DNAH3: variants seen among roughly 807,000 people sequenced by gnomAD.
DNAH3 encodes dynein axonemal heavy chain 3.
A neutral mutation model predicts 432.5 loss-of-function variants in DNAH3; 332 were observed. The ratio of observed to expected loss-of-function variants is 0.77; its 90% CI spans 0.70 to 0.84. The LOEUF is 0.84. Among genes scored for constraint, DNAH3 ranks in the 40% least tolerant of loss-of-function variants. DNAH3 has a pLI of 0.00. For missense variants in DNAH3, 4,861 were observed against 5,114.0 expected (o/e 0.95, Z 1.51); for synonymous variants, 1,956 against 1,900.2 (o/e 1.03, Z -0.76).
rs561843363 is a variant in DNAH3 at position 21,101,923 on chromosome 16, G to A, written c.2366+2548C>T. Reference sequence around the variant, plus strand: ...CTTCCAGGTGCAGAGCCGGAGGGTGGGGTAGGAACAGCAAATGGAGAATAA... The same window carrying A: ...CTTCCAGGTGCAGAGCCGGAGGGTGAGGTAGGAACAGCAAATGGAGAATAA... On this transcript the variant is annotated intron_variant, in intron 16 of 61. Transcript: ENST00000261383. Among the ~76,000 whole-genome samples the A allele has an allele frequency of 1.3e-3, 204 of 152,336 alleles. 1 individual carries two copies. Among genetic ancestry groups the A allele is most frequent in the Non-Finnish European group, 2.1e-3 (145 of 68,044 alleles).
intron 17 of DNAH3, among the ~76,000 whole-genome samples, 200 bp downstream of exon 17, chr16:21,098,416 G>A (rs560494940): frequency 2.1e-4 from 30 of 140,488 alleles, no homozygotes; most frequent in East Asian, 8.2e-4. Flanking sequence ...TCCAGCCTGC[G>A]CAACAGAGTG....
rs113956314 is a variant in DNAH3 at position 20,992,949 on chromosome 16, T to C, written c.6601+4334A>G. Among the ~76,000 whole-genome samples the C allele has an allele frequency of 6.0e-3, 920 of 152,242 alleles. 9 individuals carry two copies. The highest frequency in any genetic ancestry group is 0.021 in the African/African-American group (869 of 41,548). Reference sequence around the variant, plus strand: ...GGTGTGGTCTCAGCTCACTGCAACCTTTACCACCCAGGTTCAAGCAATTCT... The same window carrying C: ...GGTGTGGTCTCAGCTCACTGCAACCCTTACCACCCAGGTTCAAGCAATTCT... On this transcript the variant is annotated intron_variant, in intron 44 of 61. Coordinates refer to ENST00000261383, the Ensembl canonical transcript of DNAH3.
intron 53 of DNAH3, among the ~76,000 whole-genome samples, chr16:20,961,176 A>G (rs1257330818): frequency 1.3e-5 from 2 of 152,236 alleles, no homozygotes; most frequent in Non-Finnish European, 2.9e-5. Flanking sequence ...TACGAACTGC[A>G]TCGTGTCCCT....
intron 41 of DNAH3, among the ~76,000 whole-genome samples, chr16:21,004,001 T>C (rs1475866349): frequency 6.6e-6 from 1 of 152,172 alleles, no homozygotes; most frequent in East Asian, 1.9e-4. Context: ...ATGTTAAAGT[T>C]AATTTTACTT....
chr16:20,966,680 T>C (rs2085078493), intron 52 of DNAH3, among the ~76,000 whole-genome samples: 1 of 152,222 alleles, frequency 6.6e-6, no homozygotes, highest in East Asian at 1.9e-4. Context: ...CATTATCTTA[T>C]TCATGGATGG....
intron 58 of DNAH3, 111 bp downstream of exon 58, chr16:20,944,385 G>T: frequency 7.8e-7 from 1 of 1,288,380 alleles, no homozygotes; most frequent in Non-Finnish European, 1.1e-6. Context: ...TGGCCAGGAG[G>T]CTGCCAGGCC....
At chr16:20,987,622 G>A (rs1210960294) in intron 46 of DNAH3, 71 bp downstream of exon 46, 4 of 1,578,360 alleles carry the variant, frequency 2.5e-6, no homozygotes, top group Non-Finnish European at 3.5e-6. Context: ...AGCTATTACT[G>A]CTATTACTAC....
chr16:21,066,755 T>C (rs745392038), intron 24 of DNAH3, among the ~76,000 whole-genome samples: 3 of 152,234 alleles, frequency 2.0e-5, no homozygotes, highest in Non-Finnish European at 4.4e-5. Flanking sequence ...TAAGCATACC[T>C]ATCAGAAACT....
chr16:21,036,786 C>T (rs775792020), exon 35 of DNAH3: 33 of 1,613,242 alleles, frequency 2.0e-5, no homozygotes, highest in Middle Eastern at 1.7e-4. Context: ...TCAGCACTTT[C>T]AGAAAAACTT....
chr16:21,151,740 A>G (rs2092854870), intron 1 of DNAH3, among the ~76,000 whole-genome samples: 1 of 152,172 alleles, frequency 6.6e-6, no homozygotes, highest in Non-Finnish European at 1.5e-5. Flanking sequence ...ACAGAAATAC[A>G]TGTGCACATA....
exon 62 of DNAH3, chr16:20,933,296 T>C (rs368019853): frequency 2.4e-5 from 38 of 1,614,208 alleles, no homozygotes; most frequent in Non-Finnish European, 3.1e-5. Flanking sequence ...ACTTGTTTTG[T>C]AGACTGGACA....
intron 21 of DNAH3, among the ~76,000 whole-genome samples, chr16:21,071,949 ACTG>A (rs2090798647): frequency 2.0e-5 from 3 of 152,040 alleles, no homozygotes; most frequent in Non-Finnish European, 4.4e-5. Flanking sequence ...CACACTGTGA[ACTG>A]ATGTGCCCCG....
chr16:20,946,818 CCTTT>C (rs1206891719), intron 57 of DNAH3, among the ~76,000 whole-genome samples: 6 of 118,252 alleles, frequency 5.1e-5, no homozygotes, highest in Non-Finnish European at 1.1e-4. Context: ...GATTGTGAGT[CCTTT>C]TTTTTTTTTT....
At chr16:20,984,428 C>T (rs1202355116) in intron 48 of DNAH3, among the ~76,000 whole-genome samples, 3 of 151,922 alleles carry the variant, frequency 2.0e-5, no homozygotes, top group East Asian at 1.9e-4. Context: ...ACAGACAGGA[C>T]TTGGTAAAGA....
chr16:21,127,554 C>G, intron 8 of DNAH3, 133 bp downstream of exon 9: 2 of 1,099,934 alleles, frequency 1.8e-6, no homozygotes, highest in Non-Finnish European at 2.6e-6. Flanking sequence ...GAAAGAGACT[C>G]TGTCTCAAAA....
At chr16:21,023,784 GGGGTGTGTGTGT>G (rs1567654107) in intron 39 of DNAH3, among the ~76,000 whole-genome samples, 1 of 110,022 alleles carries the variant, frequency 9.1e-6, no homozygotes, top group African/African-American at 4.7e-5. Context: ...GGCAGCTTTT[GGGGTGTGTGTGT>G]GTGTGTGTGT....
chr16:21,095,034 G>A (rs1414336958), intron 18 of DNAH3, among the ~76,000 whole-genome samples: 2 of 152,090 alleles, frequency 1.3e-5, no homozygotes, highest in Non-Finnish European at 2.9e-5. Context: ...CCAGTCTCAG[G>A]TATTTCTTCA....
At chr16:21,155,621 CAA>C (rs369001374) in intron 1 of DNAH3, among the ~76,000 whole-genome samples, 1,452 of 76,678 alleles carry the variant, frequency 0.019, 7 homozygotes, top group Non-Finnish European at 0.028. Context: ...GACTCCGTCT[CAA>C]AAAAAAAAAA....
chr16:20,986,009 TC>T (rs748805456), intron 47 of DNAH3, among the ~76,000 whole-genome samples: 3 of 151,336 alleles, frequency 2.0e-5, no homozygotes, highest in African/African-American at 7.3e-5. Flanking sequence ...GCACCCACCA[TC>T]ATGCCTGGCT....
Sources: gnomAD v4.1 joint callset for allele counts (sites outside exome capture counted in the v4.1 genomes callset) on GRCh38, gnomAD v4.1.1 for gene constraint, MANE v1.5 for transcripts, NCBI Gene and HGNC (gene_info 2026-07-23, HGNC 2026-07-21) for gene names.